The following GPR137C variants were observed in gnomAD, a reference collection of about 807,000 sequenced individuals.
GPR137C encodes the protein integral membrane protein GPR137C.
GPR137C carries 27 observed loss-of-function variants against 43.4 expected under a neutral mutation model. That is an observed-to-expected ratio of 0.62 (90% CI 0.46 to 0.86). The LOEUF (loss-of-function observed/expected upper bound fraction) is 0.86. GPR137C is among the 40% of genes least tolerant of loss of function. The pLI is 0.00. For missense variants in GPR137C, 522 were observed against 534.6 expected (o/e 0.98, Z 0.23); for synonymous variants, 285 against 226.9 (o/e 1.26, Z -2.30).
intron 4 of GPR137C, among the ~76,000 whole-genome samples, chr14:52,632,924 TAA>T (rs1332728937): frequency 2.0e-5 from 3 of 152,146 alleles, no homozygotes. Flanking sequence ...ATCTTTATAG[TAA>T]TTTAGCTTTG....
In GPR137C at chr14:52,577,183, CAAAAAAAAAA is replaced by C. The variant is rs34249999; in HGVS notation, c.445-21068_445-21059del. ...GCCTGGGCGACAGAGTAAGACTCCT[CAAAAAAAAAA>C]AAAAAAAAAAAAAAAAAAAAGATAC... On this transcript the variant is annotated intron_variant, in intron 1 of 6. Coordinates refer to ENST00000321662, the MANE Select transcript of GPR137C (RefSeq NM_001099652.2). Among the ~76,000 whole-genome samples, 45 of 41,174 alleles carry C rather than the reference CAAAAAAAAAA, an allele frequency of 1.1e-3. 1 individual carries two copies. Among genetic ancestry groups the C allele is most frequent in the African/African-American group, 3.3e-3 (32 of 9,674 alleles). 27.0% of individuals were successfully genotyped at this position (41,174 alleles called of 152,430 possible). A position where few individuals can be genotyped will look rare whatever the true frequency, so the allele number is the denominator to read the frequency against.
chr14:52,625,628 C>A (rs976157399), intron 3 of GPR137C, among the ~76,000 whole-genome samples: 1 of 123,264 alleles, frequency 8.1e-6, no homozygotes, highest in South Asian at 3.0e-4. Flanking sequence ...GATCTCGGCT[C>A]ACTGCAATCT....
At chr14:52,575,760 A>T (rs1566607467) in intron 1 of GPR137C, among the ~76,000 whole-genome samples, 1 of 152,196 alleles carries the variant, frequency 6.6e-6, no homozygotes, top group Admixed American at 6.5e-5. Flanking sequence ...ATCTGGGTTG[A>T]TCCTATTCAA....
intron 1 of GPR137C, among the ~76,000 whole-genome samples, chr14:52,554,201 G>A (rs1459160324): frequency 6.6e-6 from 1 of 152,162 alleles, no homozygotes; most frequent in Non-Finnish European, 1.5e-5. Flanking sequence ...TCAGGATAAG[G>A]ACCTCCATAA....
chr14:52,591,613 G>A (rs533138233), intron 1 of GPR137C, among the ~76,000 whole-genome samples: 138 of 152,282 alleles, frequency 9.1e-4, no homozygotes, highest in Non-Finnish European at 1.6e-3. Flanking sequence ...TCTGTTGGCT[G>A]CATAAATGTC....
intron 6 of GPR137C, among the ~76,000 whole-genome samples, chr14:52,634,627 A>T (rs2039331761): frequency 6.6e-6 from 1 of 152,150 alleles, no homozygotes; most frequent in South Asian, 2.1e-4. Context: ...ATACATACAT[A>T]CATACATAGA....
intron 1 of GPR137C, among the ~76,000 whole-genome samples, chr14:52,573,910 G>A (rs183143870): frequency 4.6e-5 from 7 of 152,106 alleles, no homozygotes; most frequent in Non-Finnish European, 1.0e-4. Context: ...ATGGGCAAAG[G>A]ATATGAACAG....
intron 3 of GPR137C, among the ~76,000 whole-genome samples, chr14:52,608,538 A>G (rs1244767557): frequency 6.6e-6 from 1 of 152,160 alleles, no homozygotes. Context: ...TTTATGCATC[A>G]TGATTATAAT....
chr14:52,631,006 A>G (rs1280911117), intron 3 of GPR137C, among the ~76,000 whole-genome samples: 2 of 152,212 alleles, frequency 1.3e-5, no homozygotes, highest in African/African-American at 4.8e-5. Flanking sequence ...ATTGCTGTCA[A>G]TGTCATGATT....
intron 1 of GPR137C, among the ~76,000 whole-genome samples, chr14:52,595,564 A>G (rs2038843112): frequency 6.6e-6 from 1 of 151,818 alleles, no homozygotes; most frequent in Admixed American, 6.6e-5. Flanking sequence ...CTGTTTTATT[A>G]ATTTATCTTG....
At chr14:52,602,561 T>C (rs1182524489) in intron 3 of GPR137C, among the ~76,000 whole-genome samples, 2 of 152,126 alleles carry the variant, frequency 1.3e-5, no homozygotes, top group Non-Finnish European at 2.9e-5. Flanking sequence ...TATCTCTGTA[T>C]TCTTAGGCTG....
At chr14:52,589,651 G>GCTC in intron 1 of GPR137C, among the ~76,000 whole-genome samples, 1 of 152,250 alleles carries the variant, frequency 6.6e-6, no homozygotes, top group Admixed American at 6.5e-5. Context: ...CTAGTAGATG[G>GCTC]TAGTACTGTT....
At chr14:52,572,547 C>A (rs531731056) in intron 1 of GPR137C, among the ~76,000 whole-genome samples, 2 of 152,076 alleles carry the variant, frequency 1.3e-5, no homozygotes, top group Non-Finnish European at 2.9e-5. Context: ...AAATTCAACA[C>A]CCCTTCAAGC....
At chr14:52,595,290 T>C (rs2038839020) in intron 1 of GPR137C, among the ~76,000 whole-genome samples, 1 of 152,208 alleles carries the variant, frequency 6.6e-6, no homozygotes, top group South Asian at 2.1e-4. Flanking sequence ...CTGACAATTA[T>C]GTGTCTTGGG....
intron 3 of GPR137C, among the ~76,000 whole-genome samples, chr14:52,622,324 C>G (rs1017286014): frequency 1.2e-4 from 19 of 152,006 alleles, no homozygotes; most frequent in African/African-American, 4.6e-4. Flanking sequence ...CATTTTGTAA[C>G]ATCGCGCATT....
chr14:52,554,951 TAAG>T (rs1043332057), intron 1 of GPR137C, among the ~76,000 whole-genome samples: 2 of 152,032 alleles, frequency 1.3e-5, no homozygotes, highest in African/African-American at 4.8e-5. Flanking sequence ...TAAGCGGAAA[TAAG>T]AAGCATAGGT....
chr14:52,599,052 A>G (rs987200768), intron 2 of GPR137C, among the ~76,000 whole-genome samples: 4 of 152,220 alleles, frequency 2.6e-5, no homozygotes, highest in Non-Finnish European at 5.9e-5. Context: ...GAAATGACCC[A>G]ATATATCAGG....
At chr14:52,596,589 A>G (rs2038859290) in intron 1 of GPR137C, among the ~76,000 whole-genome samples, 2 of 152,166 alleles carry the variant, frequency 1.3e-5, no homozygotes, top group African/African-American at 4.8e-5. Context: ...CTGCTGCGCT[A>G]GCATTGAGCA....
rs1047087490 is a variant in GPR137C, at chr14:52,552,911, C to A, written c.-237C>A. On this transcript the variant is annotated 5_prime_UTR_variant, in exon 1 of 7. Coordinates refer to ENST00000321662, the MANE Select transcript of GPR137C (RefSeq NM_001099652.2). Reference sequence around the variant, plus strand: ...AGCCGAGAGTTGTTTTTTGCAGCTACGGAGCCGAGCCGCAGCAGGAGGAGC... The same window carrying A: ...AGCCGAGAGTTGTTTTTTGCAGCTAAGGAGCCGAGCCGCAGCAGGAGGAGC... Among the ~76,000 whole-genome samples the A allele has an allele frequency of 6.6e-6, 1 of 151,428 alleles. No individual in the cohort carries two copies. The highest frequency in any genetic ancestry group is 1.5e-5 in the Non-Finnish European group (1 of 67,850).
Sources: allele counts gnomAD v4.1 joint callset (sites outside exome capture counted in the v4.1 genomes callset), GRCh38; gene constraint gnomAD v4.1.1; transcripts MANE v1.5; gene names NCBI Gene and HGNC (gene_info 2026-07-23, HGNC 2026-07-21).